Variants in SOX6 observed in about 807,000 individuals in gnomAD.
SOX6 encodes the protein SRY-box transcription factor 6.
Under a neutral mutation model 97.8 loss-of-function variants are expected in SOX6, and 11 were observed. That is an observed-to-expected ratio of 0.11 (90% CI 0.07 to 0.19). SOX6 has a LOEUF of 0.19. SOX6 is among the 10% of genes least tolerant of loss of function. The pLI, the probability that SOX6 is intolerant of heterozygous loss-of-function variation, is 1.00. For synonymous variants in SOX6, 360 were observed against 371.4 expected (o/e 0.97, Z 0.35); for missense variants, 810 against 1,039.5 (o/e 0.78, Z 3.04).
At chr11:16,052,924 T>C (rs1195766215) in intron 10 of SOX6, among the ~76,000 whole-genome samples, 1 of 152,176 alleles carries the variant, frequency 6.6e-6, no homozygotes, top group Non-Finnish European at 1.5e-5. Context: ...GCAGCTGTTT[T>C]GTTTGCTACA....
chr11:16,306,993 T>A (rs551235109), intron 3 of SOX6, among the ~76,000 whole-genome samples: 1 of 152,220 alleles, frequency 6.6e-6, no homozygotes, highest in South Asian at 2.1e-4. Context: ...GGAACCAAAT[T>A]CTAATTATGT....
At chr11:16,258,347 A>G (rs931791782) in intron 3 of SOX6, among the ~76,000 whole-genome samples, 1 of 107,622 alleles carries the variant, frequency 9.3e-6, no homozygotes, top group African/African-American at 3.5e-5. Context: ...AAACTGTGGT[A>G]CATCCAGACA....
intron 3 of SOX6, among the ~76,000 whole-genome samples, chr11:16,685,635 G>A (rs11024014): frequency 0.16 from 24,787 of 152,292 alleles, 2,668 homozygotes; most frequent in East Asian, 0.32. Flanking sequence ...AGCCCCCACA[G>A]CTGCTCTCAT....
intron 3 of SOX6, among the ~76,000 whole-genome samples, chr11:16,250,108 A>G (rs1284096791): frequency 6.6e-6 from 1 of 152,170 alleles, no homozygotes; most frequent in Non-Finnish European, 1.5e-5. Flanking sequence ...CCTTACTGGT[A>G]CCAGCATTAC....
intron 4 of SOX6, among the ~76,000 whole-genome samples, chr11:16,596,424 A>G (rs1373670304): frequency 6.6e-6 from 1 of 152,212 alleles, no homozygotes; most frequent in Non-Finnish European, 1.5e-5. Flanking sequence ...TCTAGGAATC[A>G]CAAAGAAACA....
intron 4 of SOX6, among the ~76,000 whole-genome samples, chr11:16,217,200 T>C (rs1304775001): frequency 6.6e-6 from 1 of 152,150 alleles, no homozygotes; most frequent in African/African-American, 2.4e-5. Context: ...TTCCCACATA[T>C]TAGACTAGAA....
intron 4 of SOX6, among the ~76,000 whole-genome samples, chr11:16,594,184 C>T (rs1225349984): frequency 6.6e-6 from 1 of 152,074 alleles, no homozygotes; most frequent in African/African-American, 2.4e-5. Context: ...TAGTCCTACC[C>T]AACACAGGTT....
At chr11:16,475,595 C>T (rs1026534649) in intron 1 of SOX6, among the ~76,000 whole-genome samples, 2 of 152,004 alleles carry the variant, frequency 1.3e-5, no homozygotes, top group Admixed American at 6.6e-5. Context: ...TTGTTTGGTG[C>T]GGCCCCATAA....
intron 4 of SOX6, among the ~76,000 whole-genome samples, chr11:16,227,277 C>T (rs1229363333): frequency 6.6e-6 from 1 of 152,074 alleles, no homozygotes; most frequent in East Asian, 1.9e-4. Context: ...TGAAAGGAAC[C>T]TTAGGAGATC....
intron 12 of SOX6, among the ~76,000 whole-genome samples, chr11:16,029,497 G>A (rs1465667743): frequency 6.6e-5 from 10 of 152,082 alleles, no homozygotes; most frequent in East Asian, 1.9e-4. Flanking sequence ...TTAGCCGGGC[G>A]TGGTAGCGGG....
intron 15 of SOX6, among the ~76,000 whole-genome samples, chr11:15,973,436 A>C (rs1853376152): frequency 6.6e-6 from 1 of 152,226 alleles, no homozygotes; most frequent in African/African-American, 2.4e-5. Context: ...TGAATTCCAC[A>C]ATGTTACATG....
At chr11:16,591,366 G>GATAGATAA (rs1554976557) in intron 4 of SOX6, among the ~76,000 whole-genome samples, 2 of 141,914 alleles carry the variant, frequency 1.4e-5, no homozygotes, top group Non-Finnish European at 3.1e-5. Context: ...TAGATAGATA[G>GATAGATAA]ATAGATAGAT....
chr11:15,986,006 G>A (rs1422497154), intron 15 of SOX6, among the ~76,000 whole-genome samples, 198 bp downstream of exon 15: 1 of 152,084 alleles, frequency 6.6e-6, no homozygotes, highest in Non-Finnish European at 1.5e-5. Context: ...ACTGTTCCAG[G>A]TTTGGCTTGA....
At chr11:16,682,390 C>T (rs987128546) in intron 3 of SOX6, among the ~76,000 whole-genome samples, 28 of 152,154 alleles carry the variant, frequency 1.8e-4, no homozygotes, top group Admixed American at 3.3e-4. Context: ...TTCTCCACCA[C>T]GATCAAGTCA....
chr11:16,700,157 G>A (rs983622941), intron 3 of SOX6, among the ~76,000 whole-genome samples: 2 of 152,078 alleles, frequency 1.3e-5, no homozygotes, highest in African/African-American at 4.8e-5. Context: ...GAGAAATCAG[G>A]AAAAGCTTCC....
At chr11:16,735,212 C>T (rs1177421772) in intron 2 of SOX6, among the ~76,000 whole-genome samples, 1 of 152,104 alleles carries the variant, frequency 6.6e-6, no homozygotes, top group East Asian at 1.9e-4. Context: ...GAGTTAAACT[C>T]AAGGCTTTTC....
At chr11:16,112,195 T>C (rs1849248478) in intron 6 of SOX6, among the ~76,000 whole-genome samples, 1 of 152,226 alleles carries the variant, frequency 6.6e-6, no homozygotes, top group Admixed American at 6.5e-5. Flanking sequence ...CTTGACTTTT[T>C]TCCTTTTATT....
intron 1 of SOX6, among the ~76,000 whole-genome samples, chr11:16,374,080 A>G (rs1857579729): frequency 6.6e-6 from 1 of 152,092 alleles, no homozygotes; most frequent in Non-Finnish European, 1.5e-5. Context: ...TATTATCTCA[A>G]AATATTATGC....
intron 6 of SOX6, among the ~76,000 whole-genome samples, chr11:16,169,896 C>T (rs1002593421): frequency 2.7e-5 from 4 of 146,626 alleles, no homozygotes; most frequent in Admixed American, 6.8e-5. Context: ...AATTAAAATA[C>T]ACCCTTGTAA....
Sources: allele counts gnomAD v4.1 joint callset (sites outside exome capture counted in the v4.1 genomes callset), GRCh38; gene constraint gnomAD v4.1.1; transcripts MANE v1.5; gene names NCBI Gene and HGNC (gene_info 2026-07-23, HGNC 2026-07-21).